Variants in TOPAZ1 observed in about 807,000 individuals in gnomAD.
TOPAZ1 encodes the protein protein TOPAZ1.
In TOPAZ1, 66 loss-of-function variants were observed where a neutral mutation model predicts 172.2. The observed-to-expected ratio is 0.38, with a 90% CI of 0.31 to 0.47. The LOEUF is 0.47. Ranked by LOEUF, TOPAZ1 falls within the 20% of genes least tolerant of loss-of-function variation. The probability of loss-of-function intolerance (pLI) is 0.99; values close to 1 mark genes in which losing one functional copy is unlikely to be tolerated. For synonymous variants in TOPAZ1, 681 were observed against 683.9 expected (o/e 1.00, Z 0.07); for missense variants, 1,822 against 1,972.4 (o/e 0.92, Z 1.44).
intron 12 of TOPAZ1, among the ~76,000 whole-genome samples, chr3:44,302,031 T>C (rs1244791152): frequency 4.6e-5 from 7 of 152,074 alleles, no homozygotes; most frequent in East Asian, 1.9e-4. Context: ...CTACGTGGAG[T>C]TTTTTCTCTT....
At chr3:44,306,038 A>G (rs577757120) in intron 14 of TOPAZ1, among the ~76,000 whole-genome samples, 1 of 152,308 alleles carries the variant, frequency 6.6e-6, no homozygotes, top group South Asian at 2.1e-4. Context: ...GCTCTTTACT[A>G]CTGTAGCCTT....
intron 18 of TOPAZ1, among the ~76,000 whole-genome samples, chr3:44,323,563 C>T (rs1410065434): frequency 6.6e-6 from 1 of 152,152 alleles, no homozygotes; most frequent in Non-Finnish European, 1.5e-5. Flanking sequence ...GCAAAGGGAA[C>T]AAATGACAGG....
rs915716485 is a variant in TOPAZ1 at position 44,290,715 on chromosome 3, C to T, written c.3682-56C>T. On this transcript the variant is annotated intron_variant, in intron 11 of 19. Coordinates refer to ENST00000309765, the MANE Select transcript of TOPAZ1 (RefSeq NM_001145030.2). ...CTTAGTTGTTTCACACACATTGGCT[C>T]CTCAATTCTGTCACATTTTTGTAAG... The T allele has an allele frequency of 6.5e-6, 7 of 1,084,774 alleles. No homozygotes were observed. In the East Asian group the frequency reaches 1.1e-4, roughly 16 times the overall value. The allele number at this position is 1,084,774 out of a possible 1,614,324, so 67.2% of individuals were successfully genotyped here.
chr3:44,328,494 T>C, intron 19 of TOPAZ1, 61 bp downstream of exon 19: 1 of 917,030 alleles, frequency 1.1e-6, no homozygotes, highest in South Asian at 1.9e-5. Flanking sequence ...ACACCCACCC[T>C]AAGATGTAAA....
downstream of TOPAZ1, among the ~76,000 whole-genome samples, chr3:44,334,225 TCTC>T (rs1286314459): frequency 6.6e-6 from 1 of 152,066 alleles, no homozygotes; most frequent in Non-Finnish European, 1.5e-5. Flanking sequence ...TGATCTTTGC[TCTC>T]CTCATTTTCC....
chr3:44,283,912 A>G (rs1700051183), intron 9 of TOPAZ1, among the ~76,000 whole-genome samples: 1 of 152,234 alleles, frequency 6.6e-6, no homozygotes, highest in Non-Finnish European at 1.5e-5. Context: ...TAAATTTAAC[A>G]TGAGTACAGT....
intron 19 of TOPAZ1, 43 bp from the exon 20 acceptor site, chr3:44,331,749 C>A: frequency 7.2e-7 from 1 of 1,390,476 alleles, no homozygotes; most frequent in Non-Finnish European, 1.0e-6. Context: ...AACTATATAG[C>A]TTTTTTAAGA....
At position 44,242,398 on chromosome 3, in the gene TOPAZ1, C is replaced by G. The variant is rs767600568; in HGVS notation, c.345C>G (p.His115Gln). The G allele has an allele frequency of 6.4e-7, 1 of 1,552,286 alleles. No individual in the cohort carries two copies. Among genetic ancestry groups the G allele is most frequent in the South Asian group, 1.2e-5 (1 of 84,056 alleles). Residue 115 changes from histidine to glutamine, a missense_variant and splice_region_variant, in exon 1 of 20, where the codon CAC (histidine) becomes CAG (glutamine). By Grantham distance (24) the His-to-Gln change is conservative (BLOSUM62 0). Coordinates refer to ENST00000309765, the MANE Select transcript of TOPAZ1 (RefSeq NM_001145030.2). ...AACTCCCCTTGCAAACGGAAAGACA[C>G]AGTAAGAAAGCATCCACGATCACTT... is the stretch of plus-strand genomic sequence containing the variant. ...EAELPLQTER[H>Q]TKEKRKVTEA...
chr3:44,309,558 TAAA>T (rs1170304394), intron 15 of TOPAZ1, among the ~76,000 whole-genome samples: 2 of 152,090 alleles, frequency 1.3e-5, no homozygotes, highest in Admixed American at 1.3e-4. Flanking sequence ...ATAAAACAAA[TAAA>T]AAGAAGGCTT....
intron 2 of TOPAZ1, among the ~76,000 whole-genome samples, chr3:44,249,863 G>A (rs1026803580): frequency 2.0e-5 from 3 of 152,174 alleles, no homozygotes; most frequent in African/African-American, 7.2e-5. Flanking sequence ...GGTGATGCTA[G>A]ATTAAGGAGG....
At chr3:44,257,467 ATAGTGTGTGT>A (rs1339641828) in intron 4 of TOPAZ1, among the ~76,000 whole-genome samples, 13,102 of 105,874 alleles carry the variant, frequency 0.12, 1,043 homozygotes, top group African/African-American at 0.23. Flanking sequence ...ATATATATAT[ATAGTGTGTGT>A]GTGTGTGTGT....
At chr3:44,311,330 T>A (rs1236155467) in intron 16 of TOPAZ1, among the ~76,000 whole-genome samples, 1 of 152,090 alleles carries the variant, frequency 6.6e-6, no homozygotes, top group African/African-American at 2.4e-5. Flanking sequence ...AAATGGAAAT[T>A]AATGAAATAT....
At position 44,287,423 on chromosome 3, in the gene TOPAZ1, C is replaced by T; in HGVS notation, c.3471C>T (p.Pro1157=). 6.6e-7 allele frequency: 1 copy of T among 1,507,326 alleles called. No homozygotes were observed. Among genetic ancestry groups the T allele is most frequent in the South Asian group, 1.3e-5 (1 of 74,442 alleles). The allele number at this position is 1,507,326 out of a possible 1,614,324, so 93.4% of individuals were successfully genotyped here. A position where few individuals can be genotyped will look rare whatever the true frequency, so the allele number is the denominator to read the frequency against. Residue 1157 remains proline (P), a synonymous_variant, in exon 10 of 20, where the codon CCC becomes CCT. Coordinates refer to ENST00000309765, the MANE Select transcript of TOPAZ1 (RefSeq NM_001145030.2). Reference sequence around the variant, plus strand: ...TTATGGAGTACTACAGAAAGTTTCCCCCAGGTGTATACTTTGATTTACAAG... The same window carrying T: ...TTATGGAGTACTACAGAAAGTTTCCTCCAGGTGTATACTTTGATTTACAAG... The part of the protein sequence containing the change: ...NIFMEYYRKF[P]PGVYFDLQVL...
downstream of TOPAZ1, chr3:44,332,191 AC>A: frequency 1.8e-6 from 1 of 552,624 alleles, no homozygotes; most frequent in South Asian, 2.7e-5. Context: ...TTTTATTCAC[AC>A]AGAAAAGTGA....
Position 44,243,259 on chromosome 3 carries a change from A to T in TOPAZ1, c.753A>T (p.Gly251=), listed in dbSNP as rs1194716086. Residue 251 remains glycine, a synonymous_variant, in exon 2 of 20, where the codon GGA becomes GGT. Coordinates refer to ENST00000309765, the MANE Select transcript of TOPAZ1 (RefSeq NM_001145030.2). ...ACCTGCCATATAAACCTGATGGTGGATGTATGCATGTAGCAGAAAATTTCT... is the reference window on the plus strand; with the variant it reads ...ACCTGCCATATAAACCTGATGGTGGTTGTATGCATGTAGCAGAAAATTTCT... ...ENNLPYKPDG[G]CMHVAENFSK... is the part of the protein sequence containing the mutation. 1 of 1,551,540 alleles carries T rather than the reference A, an allele frequency of 6.4e-7. No individual in the cohort carries two copies. The highest frequency in any genetic ancestry group is 2.0e-5 in the Admixed American group (1 of 50,992).
At chr3:44,286,367 T>G (rs1219833046) in intron 9 of TOPAZ1, among the ~76,000 whole-genome samples, 1 of 152,196 alleles carries the variant, frequency 6.6e-6, no homozygotes, top group African/African-American at 2.4e-5. Context: ...AGTTTACCGT[T>G]TTATCAGTTG....
intron 5 of TOPAZ1, among the ~76,000 whole-genome samples, chr3:44,263,170 A>ATG (rs1699793480): frequency 6.6e-6 from 1 of 152,212 alleles, no homozygotes; most frequent in Non-Finnish European, 1.5e-5. Flanking sequence ...AAGTTTGAGA[A>ATG]CTGTGTTAAG....
chr3:44,285,476 TAAATA>T (rs984313455), intron 9 of TOPAZ1, among the ~76,000 whole-genome samples: 4 of 151,772 alleles, frequency 2.6e-5, no homozygotes, highest in African/African-American at 9.7e-5. Flanking sequence ...CAAAAATAAA[TAAATA>T]AAATAAAAGA....
chr3:44,305,572 A>G (rs1054491181), intron 14 of TOPAZ1, among the ~76,000 whole-genome samples: 1 of 151,954 alleles, frequency 6.6e-6, no homozygotes, highest in Non-Finnish European at 1.5e-5. Context: ...ATCTTGCTTC[A>G]TTGCCCAGGC....
Sources: gnomAD v4.1 joint callset for allele counts (sites outside exome capture counted in the v4.1 genomes callset) on GRCh38, gnomAD v4.1.1 for gene constraint, MANE v1.5 for transcripts, NCBI Gene and HGNC (gene_info 2026-07-23, HGNC 2026-07-21) for gene names.